EPHA4: variants seen among roughly 807,000 people sequenced by gnomAD.
EPHA4 encodes the protein ephrin type-A receptor 4.
In EPHA4, 19 loss-of-function variants were observed where a neutral mutation model predicts 108.3. The observed-to-expected ratio is 0.18, with a 90% CI of 0.12 to 0.26. EPHA4 has a LOEUF of 0.26. Among genes scored for constraint, EPHA4 ranks in the 10% least tolerant of loss-of-function variants. EPHA4 has a pLI of 1.00. For synonymous variants in EPHA4, 449 were observed against 455.5 expected (o/e 0.99, Z 0.18); for missense variants, 917 against 1,254.0 (o/e 0.73, Z 4.06).
In EPHA4 at chr2:221,437,070, T is replaced by C. The variant is rs765276808; in HGVS notation, c.2127A>G (p.Ala709=). The change falls in exon 12 of 18, where the codon GCA becomes GCG. Residue 709 remains alanine, a synonymous_variant. Transcript: ENST00000281821. Reference sequence around the variant, plus strand: ...TAAAGTAGTCACATACCCTGAGGAATGCATCCAAGGAGCCATTCTCCATGT... The same window carrying C: ...TAAAGTAGTCACATACCCTGAGGAACGCATCCAAGGAGCCATTCTCCATGT... ...TEYMENGSLD[A]FLRKNDGRFT... 12 of 1,611,400 alleles carry C rather than the reference T, an allele frequency of 7.4e-6. No homozygotes were observed. In the East Asian group the frequency reaches 2.7e-4, roughly 36 times the overall value.
In EPHA4 at chr2:221,569,188, A is replaced by G. The variant is rs1694755997; in HGVS notation, c.92-403T>C. 5.3e-5 allele frequency among the ~76,000 whole-genome samples: 8 copies of G among 151,708 alleles called. No individual in the cohort carries two copies. In the South Asian group the frequency reaches 1.4e-3, roughly 27 times the overall value. On this transcript the variant is annotated intron_variant, in intron 1 of 17. Coordinates refer to ENST00000281821, the MANE Select transcript of EPHA4 (RefSeq NM_004438.5). Reference sequence around the variant, plus strand: ...GTTTTTGCAAGTTTCAGATGACCACATAACTCATCAGGGTGACAGAGCCAC... The same window carrying G: ...GTTTTTGCAAGTTTCAGATGACCACGTAACTCATCAGGGTGACAGAGCCAC...
rs148053376 is a variant in EPHA4 at position 221,553,008 on chromosome 2, G to T, written c.823+10723C>A. Among the ~76,000 whole-genome samples, 1,048 of 152,256 alleles carry T rather than the reference G, an allele frequency of 6.9e-3. 9 individuals are homozygous for T. The highest frequency in any genetic ancestry group is 0.011 in the Non-Finnish European group (770 of 68,016). ...AATAAAACTGATTGTTCATTTAATT[G>T]CACCTCTAACTGGCAACACATCATG... On this transcript the variant is annotated intron_variant, in intron 3 of 17. Transcript: ENST00000281821.
At chr2:221,560,528 G>A (rs1254875213) in intron 3 of EPHA4, among the ~76,000 whole-genome samples, 1 of 152,138 alleles carries the variant, frequency 6.6e-6, no homozygotes, top group East Asian at 1.9e-4. Flanking sequence ...CTTTAGCCTT[G>A]ATATCAAGGA....
chr2:221,529,409 A>G (rs1328948488), intron 3 of EPHA4, among the ~76,000 whole-genome samples: 1 of 152,190 alleles, frequency 6.6e-6, no homozygotes, highest in African/African-American at 2.4e-5. Context: ...TCTGGGAAAC[A>G]GCCACCCCTC....
intron 5 of EPHA4, among the ~76,000 whole-genome samples, chr2:221,479,665 TA>T (rs1223815330): frequency 1.3e-5 from 2 of 152,230 alleles, no homozygotes; most frequent in Admixed American, 1.3e-4. Flanking sequence ...CCTACATTAT[TA>T]ATTTGCACTA....
intron 14 of EPHA4, 95 bp from the exon 15 acceptor site, chr2:221,430,246 G>A (rs1690033089): frequency 1.5e-6 from 2 of 1,312,324 alleles, no homozygotes; most frequent in East Asian, 4.7e-5. Context: ...GCATGAAGCT[G>A]CCAGCAAGCT....
At chr2:221,454,572 C>T (rs929613306) in intron 8 of EPHA4, among the ~76,000 whole-genome samples, 6 of 152,028 alleles carry the variant, frequency 3.9e-5, no homozygotes, top group Admixed American at 3.3e-4. Context: ...TTTTTTTCAC[C>T]AACAGCCCCA....
intron 5 of EPHA4, among the ~76,000 whole-genome samples, chr2:221,477,723 T>C (rs1224808990): frequency 1.3e-5 from 2 of 152,184 alleles, no homozygotes; most frequent in East Asian, 1.9e-4. Flanking sequence ...ACTCTTAGAA[T>C]TGCATTGAGA....
intron 3 of EPHA4, among the ~76,000 whole-genome samples, chr2:221,547,168 T>C (rs1694021937): frequency 6.6e-6 from 1 of 152,242 alleles, no homozygotes; most frequent in African/African-American, 2.4e-5. Context: ...AATGGATTGC[T>C]TTCCAAATAG....
chr2:221,478,897 C>CA (rs1409925678), intron 5 of EPHA4, among the ~76,000 whole-genome samples: 2 of 152,194 alleles, frequency 1.3e-5, no homozygotes, highest in East Asian at 3.9e-4. Context: ...AGCTTATCAG[C>CA]AAAAAGCTGA....
intron 3 of EPHA4, among the ~76,000 whole-genome samples, chr2:221,511,495 G>C (rs979946352): frequency 1.3e-5 from 2 of 152,068 alleles, no homozygotes; most frequent in African/African-American, 4.8e-5. Context: ...CCTCACTTCC[G>C]ATTTCTGTAC....
chr2:221,425,226 G>T lies in EPHA4; in HGVS notation c.*802C>A, dbSNP rs924395875. The T allele has an allele frequency of 1.3e-5, 2 of 152,494 alleles. No individual in the cohort carries two copies. Among genetic ancestry groups the T allele is most frequent in the South Asian group, 2.1e-4 (1 of 4,818 alleles). The allele number at this position is 152,494 out of a possible 1,614,324, so 9.4% of individuals were successfully genotyped here. The stretch of plus-strand genomic sequence containing the variant: ...GGACTTACCTTGCAGATCTGGGGTC[G>T]CTTCTTTAAAGGAGCGAAGTGTGAA... On this transcript the variant is annotated 3_prime_UTR_variant, in exon 17 of 18. Coordinates refer to ENST00000281821, the MANE Select transcript of EPHA4 (RefSeq NM_004438.5).
chr2:221,438,520 G>T (rs756681854), intron 11 of EPHA4, among the ~76,000 whole-genome samples: 1 of 152,030 alleles, frequency 6.6e-6, no homozygotes, highest in Non-Finnish European at 1.5e-5. Context: ...GGGCACGGTG[G>T]CTCACACCTG....
chr2:221,531,636 G>T lies in EPHA4; in HGVS notation c.824-30464C>A, dbSNP rs74601093. Among the ~76,000 whole-genome samples, 100 of 151,978 alleles carry T rather than the reference G, an allele frequency of 6.6e-4. 7 individuals are homozygous for T. In the East Asian group the frequency reaches 0.017, roughly 26 times the overall value. On this transcript the variant is annotated intron_variant, in intron 3 of 17. Transcript: ENST00000281821. ...TGATACCTTTTTCTTCATTGGTGTA[G>T]TATCTAAAAAGCTTTTTTTTTCTTT...
chr2:221,566,936 A>G lies in EPHA4; in HGVS notation c.159+1782T>C. Among the ~76,000 whole-genome samples the G allele has an allele frequency of 1.4e-4, 8 of 57,620 alleles. 3 individuals carry two copies. Among genetic ancestry groups the G allele is most frequent in the African/African-American group, 8.5e-4 (8 of 9,398 alleles). The allele number at this position is 57,620 out of a possible 152,430, so 37.8% of individuals were successfully genotyped here. A position where few individuals can be genotyped will look rare whatever the true frequency, so the allele number is the denominator to read the frequency against. On this transcript the variant is annotated intron_variant, in intron 2 of 17. Coordinates refer to ENST00000281821, the MANE Select transcript of EPHA4 (RefSeq NM_004438.5). ...AAGGAGAAGGAGAAGGAGAAGGAGA[A>G]GGAGAAGGAGAAGGAGAAGGGGAAG...
At chr2:221,440,443 T>C (rs1690384347) in intron 11 of EPHA4, among the ~76,000 whole-genome samples, 1 of 152,202 alleles carries the variant, frequency 6.6e-6, no homozygotes, top group African/African-American at 2.4e-5. Flanking sequence ...GGGAATGTTA[T>C]CTTTTAATTA....
In EPHA4 at chr2:221,426,097, C is replaced by T. The variant is rs372990795; in HGVS notation, c.2892G>A (p.Lys964=). Reference sequence around the variant, plus strand: ...GCATTGCCTGGACACTGCTCAAAATCTTATTCTGGTGCGTGATGGCTGTGA... The same window carrying T: ...GCATTGCCTGGACACTGCTCAAAATTTTATTCTGGTGCGTGATGGCTGTGA... The part of the protein sequence containing the change: ...IGITAITHQN[K]ILSSVQAMRT... The change falls in exon 17 of 18, where the codon AAG becomes AAA. Residue 964 remains lysine (K), a synonymous_variant. Transcript: ENST00000281821. 939 of 1,614,110 alleles carry T rather than the reference C, an allele frequency of 5.8e-4. 14 individuals carry two copies. The South Asian group carries it at 9.5e-3, about 16-fold the overall frequency.
In EPHA4 at chr2:221,443,612, T is replaced by G; in HGVS notation, c.1775-6A>C. 1.9e-6 allele frequency: 3 copies of G among 1,595,806 alleles called. No homozygotes were observed. Among genetic ancestry groups the G allele is most frequent in the Non-Finnish European group, 2.6e-6 (3 of 1,164,174 alleles). Reference sequence around the variant, plus strand: ...GTCCACATATGTTCTTACACCTGAGTGATAAACATGATAAGTTGGCTGAAT... The same window carrying G: ...GTCCACATATGTTCTTACACCTGAGGGATAAACATGATAAGTTGGCTGAAT... On this transcript the variant is annotated splice_polypyrimidine_tract_variant and splice_region_variant and intron_variant, in intron 9 of 17. Transcript: ENST00000281821.
intron 3 of EPHA4, among the ~76,000 whole-genome samples, chr2:221,515,787 G>T (rs545343666): frequency 6.6e-6 from 1 of 152,266 alleles, no homozygotes; most frequent in Non-Finnish European, 1.5e-5. Flanking sequence ...ACTGCACTCA[G>T]CCTGGGCAAC....
Sources: gnomAD v4.1 joint callset for allele counts (sites outside exome capture counted in the v4.1 genomes callset) on GRCh38, gnomAD v4.1.1 for gene constraint, MANE v1.5 for transcripts, NCBI Gene and HGNC (gene_info 2026-07-23, HGNC 2026-07-21) for gene names.